Variants in BABAM2 observed in about 807,000 individuals in gnomAD.
The protein encoded by BABAM2 is BRISC and BRCA1-A complex member 2.
Under a neutral mutation model 54.7 loss-of-function variants are expected in BABAM2, and 31 were observed. The observed-to-expected ratio is 0.57, with a 90% CI of 0.43 to 0.77. The LOEUF is 0.77. Ranked by LOEUF, BABAM2 falls within the 30% of genes least tolerant of loss-of-function variation. BABAM2 has a pLI of 0.00. For synonymous variants in BABAM2, 167 were observed against 162.9 expected (o/e 1.03, Z -0.19); for missense variants, 364 against 455.8 (o/e 0.80, Z 1.83).
chr2:28,148,976 G>A (rs1375571765), intron 7 of BABAM2, among the ~76,000 whole-genome samples: 2 of 152,128 alleles, frequency 1.3e-5, no homozygotes. Flanking sequence ...AACTGGGTGT[G>A]GGGCTTGTCC....
chr2:28,045,927 A>T (rs1677523964), intron 6 of BABAM2, 128 bp downstream of exon 6: 2 of 752,428 alleles, frequency 2.7e-6, no homozygotes. Context: ...AATATTTCTT[A>T]CATGAAGTTC....
intron 5 of BABAM2, among the ~76,000 whole-genome samples, chr2:28,041,944 A>T (rs576134161): frequency 6.6e-6 from 1 of 152,302 alleles, no homozygotes; most frequent in African/African-American, 2.4e-5. Flanking sequence ...GGTGGTTCAG[A>T]TCAGGTGGTT....
Position 28,267,597 on chromosome 2 carries a change from A to G in BABAM2, c.934+22735A>G, listed in dbSNP as rs533283692. ...GTCAATTCAGTGGTGGTCATTATGG[A>G]TGAAAGGAGGACTCTGCTTCTTGCA... On this transcript the variant is annotated intron_variant, in intron 10 of 11. Transcript: ENST00000379624. Among the ~76,000 whole-genome samples, 264 of 152,332 alleles carry G rather than the reference A, an allele frequency of 1.7e-3. 3 individuals are homozygous for G. The South Asian group carries it at 0.024, about 14-fold the overall frequency.
intron 10 of BABAM2, among the ~76,000 whole-genome samples, chr2:28,295,165 A>T (rs986499332): frequency 2.0e-5 from 3 of 152,224 alleles, no homozygotes; most frequent in Non-Finnish European, 2.9e-5. Context: ...AGCATATTAA[A>T]ATATTAATAC....
At chr2:27,920,115 T>TC (rs2148328517) in intron 2 of BABAM2, among the ~76,000 whole-genome samples, 1 of 152,322 alleles carries the variant, frequency 6.6e-6, no homozygotes, top group African/African-American at 2.4e-5. Context: ...TCATATGTCA[T>TC]CAAATGCATA....
At chr2:28,306,648 A>C (rs910543677) in intron 11 of BABAM2, among the ~76,000 whole-genome samples, 2 of 151,740 alleles carry the variant, frequency 1.3e-5, no homozygotes, top group Non-Finnish European at 2.9e-5. Context: ...TTTTTAATGT[A>C]GTCTTAACAT....
intron 7 of BABAM2, among the ~76,000 whole-genome samples, chr2:28,234,166 A>C (rs1040885495): frequency 1.3e-5 from 2 of 152,170 alleles, no homozygotes; most frequent in African/African-American, 4.8e-5. Flanking sequence ...GTGTGAACCT[A>C]GGCAGTATTT....
chr2:28,263,686 A>G (rs1573959508), intron 10 of BABAM2, among the ~76,000 whole-genome samples: 2 of 152,228 alleles, frequency 1.3e-5, no homozygotes, highest in South Asian at 2.1e-4. Context: ...CTTCTGTAAC[A>G]TCTACCAGAC....
intron 3 of BABAM2, among the ~76,000 whole-genome samples, chr2:27,931,767 A>G (rs1668113165): frequency 6.6e-6 from 1 of 152,134 alleles, no homozygotes; most frequent in Admixed American, 6.6e-5. Flanking sequence ...TTAGGGTAGT[A>G]TATTCTTTAG....
chr2:28,140,261 A>G (rs1409320263), intron 7 of BABAM2, among the ~76,000 whole-genome samples: 1 of 152,198 alleles, frequency 6.6e-6, no homozygotes, highest in Non-Finnish European at 1.5e-5. Context: ...GGAAGTAGAA[A>G]CCAATGTATA....
intron 11 of BABAM2, among the ~76,000 whole-genome samples, chr2:28,326,553 G>A (rs1402592650): frequency 1.3e-5 from 2 of 152,170 alleles, no homozygotes; most frequent in African/African-American, 2.4e-5. Context: ...GCCTCTCTCA[G>A]TGCCACACAG....
intron 4 of BABAM2, among the ~76,000 whole-genome samples, chr2:27,992,339 C>G (rs1672841670): frequency 1.3e-5 from 2 of 152,138 alleles, no homozygotes; most frequent in Non-Finnish European, 2.9e-5. Flanking sequence ...GCATTGAACA[C>G]TGTTCAATAT....
At chr2:28,170,502 C>G (rs1674204422) in intron 7 of BABAM2, among the ~76,000 whole-genome samples, 1 of 151,942 alleles carries the variant, frequency 6.6e-6, no homozygotes, top group Admixed American at 6.5e-5. Flanking sequence ...TTAACTTCAT[C>G]TACCAATTGC....
At chr2:28,297,105 G>A (rs996073602) in intron 10 of BABAM2, among the ~76,000 whole-genome samples, 9 of 152,294 alleles carry the variant, frequency 5.9e-5, no homozygotes, top group East Asian at 3.9e-4. Flanking sequence ...TGAATGAGTC[G>A]TAAGCAGGTT....
intron 7 of BABAM2, among the ~76,000 whole-genome samples, chr2:28,188,743 A>G (rs1676586347): frequency 6.6e-6 from 1 of 152,176 alleles, no homozygotes; most frequent in Admixed American, 6.5e-5. Flanking sequence ...AGGACAAGGA[A>G]GCAAATCCAC....
rs192470990 is a variant in BABAM2, at chr2:28,330,028, A to G, written c.1089-8422A>G. On this transcript the variant is annotated intron_variant, in intron 11 of 11. Transcript: ENST00000379624. The stretch of plus-strand genomic sequence containing the variant: ...CCCCAGGATGCAAGGCTGGTTCAAC[A>G]TATGCAAATCAGTAAATGTAATTCA... Among the ~76,000 whole-genome samples the G allele has an allele frequency of 1.4e-4, 21 of 152,376 alleles. No individual in the cohort carries two copies. In the East Asian group the frequency reaches 4.0e-3, roughly 29 times the overall value.
At chr2:28,006,878 T>G (rs768465127) in intron 4 of BABAM2, among the ~76,000 whole-genome samples, 64 of 152,142 alleles carry the variant, frequency 4.2e-4, no homozygotes, top group Non-Finnish European at 7.2e-4. Context: ...ACAGAAATTC[T>G]TCTGTATTGA....
intron 1 of BABAM2, among the ~76,000 whole-genome samples, chr2:27,891,695 C>A: frequency 1.9e-5 from 2 of 105,602 alleles, no homozygotes; most frequent in East Asian, 3.4e-4. Context: ...TTCCACTCCC[C>A]ACCCCCCGCC....
chr2:28,301,233 T>C (rs1388961891), intron 11 of BABAM2, among the ~76,000 whole-genome samples: 56 of 152,344 alleles, frequency 3.7e-4, no homozygotes, highest in Admixed American at 3.7e-3. Flanking sequence ...TTGAGTGGAA[T>C]CAGCTGTTTA....
Sources: allele counts gnomAD v4.1 joint callset (sites outside exome capture counted in the v4.1 genomes callset), GRCh38; gene constraint gnomAD v4.1.1; transcripts MANE v1.5; gene names NCBI Gene and HGNC (gene_info 2026-07-23, HGNC 2026-07-21).